The following GRIK2 variants were observed in gnomAD, a reference collection of about 807,000 sequenced individuals.
The protein encoded by GRIK2 is glutamate ionotropic receptor kainate type subunit 2.
In GRIK2, 32 loss-of-function variants were observed where a neutral mutation model predicts 100.3. That is an observed-to-expected ratio of 0.32 (90% CI 0.24 to 0.43). The LOEUF is 0.43. GRIK2 is among the 20% of genes least tolerant of loss of function. The pLI, the probability that GRIK2 is intolerant of heterozygous loss-of-function variation, is 1.00. For synonymous variants in GRIK2, 417 were observed against 389.4 expected, an observed-to-expected ratio of 1.07 and a Z score of -0.83; for missense variants, 843 against 1,114.9, an observed-to-expected ratio of 0.76 and a Z score of 3.47.
chr6:101,938,132 T>G, intron 14 of GRIK2, among the ~76,000 whole-genome samples: 1 of 152,140 alleles, frequency 6.6e-6, no homozygotes, highest in East Asian at 1.9e-4. Flanking sequence ...TTAAGTTTTT[T>G]TTTTCTTTCT....
At chr6:101,456,768 A>G (rs1009700941) in intron 2 of GRIK2, among the ~76,000 whole-genome samples, 2 of 151,936 alleles carry the variant, frequency 1.3e-5, no homozygotes, top group African/African-American at 4.8e-5. Flanking sequence ...TTATTGCATT[A>G]AGACTTTTCA....
chr6:101,866,933 T>C (rs918110802), intron 11 of GRIK2, among the ~76,000 whole-genome samples: 2 of 151,988 alleles, frequency 1.3e-5, no homozygotes, highest in African/African-American at 4.8e-5. Flanking sequence ...TGTGTGTGTG[T>C]GTTTTCATAT....
At chr6:101,984,632 C>CAT (rs1461817138) in intron 14 of GRIK2, among the ~76,000 whole-genome samples, 1 of 149,160 alleles carries the variant, frequency 6.7e-6, no homozygotes, top group Non-Finnish European at 1.5e-5. Context: ...CACACACACA[C>CAT]ACACACACAC....
intron 2 of GRIK2, among the ~76,000 whole-genome samples, chr6:101,429,111 A>G (rs1442253523): frequency 6.6e-6 from 1 of 152,216 alleles, no homozygotes; most frequent in Non-Finnish European, 1.5e-5. Context: ...TAGCAAAGTC[A>G]TAGTGACCTT....
At chr6:101,923,749 T>G (rs1161021798) in intron 12 of GRIK2, among the ~76,000 whole-genome samples, 1 of 151,800 alleles carries the variant, frequency 6.6e-6, no homozygotes, top group Non-Finnish European at 1.5e-5. Flanking sequence ...AGTGAAACCC[T>G]GTCTCTATTA....
chr6:101,544,041 A>G (rs894985239), intron 2 of GRIK2, among the ~76,000 whole-genome samples: 18 of 151,246 alleles, frequency 1.2e-4, no homozygotes, highest in African/African-American at 7.4e-5. Flanking sequence ...AATTACTTAA[A>G]ATAAACAGAC....
chr6:102,048,975 G>T (rs189413654), intron 15 of GRIK2, among the ~76,000 whole-genome samples: 1 of 152,034 alleles, frequency 6.6e-6, no homozygotes, highest in African/African-American at 2.4e-5. Context: ...ATGTATGAAG[G>T]ATTTGGGTTC....
chr6:101,812,940 C>T (rs1243330155), intron 9 of GRIK2, among the ~76,000 whole-genome samples: 1 of 151,954 alleles, frequency 6.6e-6, no homozygotes, highest in Non-Finnish European at 1.5e-5. Flanking sequence ...CATTATATTT[C>T]TGACAATTTA....
intron 2 of GRIK2, among the ~76,000 whole-genome samples, chr6:101,500,529 T>G (rs532877853): frequency 6.6e-6 from 1 of 152,214 alleles, no homozygotes; most frequent in African/African-American, 2.4e-5. Flanking sequence ...AACATGATCA[T>G]GATGAATTTT....
At chr6:102,026,728 G>A (rs937691442) in intron 14 of GRIK2, among the ~76,000 whole-genome samples, 1 of 151,238 alleles carries the variant, frequency 6.6e-6, no homozygotes, top group African/African-American at 2.4e-5. Context: ...ACTGAGAAGA[G>A]CAATTCTCTC....
intron 14 of GRIK2, among the ~76,000 whole-genome samples, chr6:101,937,243 G>T (rs1042592636): frequency 6.6e-6 from 1 of 152,108 alleles, no homozygotes; most frequent in South Asian, 2.1e-4. Context: ...AGTATGCTAT[G>T]GTTCTCTCCC....
intron 14 of GRIK2, among the ~76,000 whole-genome samples, chr6:101,932,490 A>G (rs1790352035): frequency 1.3e-5 from 2 of 151,914 alleles, no homozygotes; most frequent in Non-Finnish European, 2.9e-5. Flanking sequence ...TCTAATCTAT[A>G]CATCACTTAT....
intron 12 of GRIK2, among the ~76,000 whole-genome samples, chr6:101,921,727 C>T (rs1371014970): frequency 4.6e-5 from 7 of 151,888 alleles, no homozygotes; most frequent in East Asian, 1.9e-4. Context: ...AAGTGGGAAT[C>T]GGAGATAAAA....
chr6:101,465,422 T>C (rs2128253797), intron 2 of GRIK2, among the ~76,000 whole-genome samples: 1 of 152,282 alleles, frequency 6.6e-6, no homozygotes, highest in East Asian at 1.9e-4. Flanking sequence ...TCCAGTCCCA[T>C]CCATGTTGCT....
In GRIK2 at chr6:101,703,331, G is replaced by A. The variant is rs890774133; in HGVS notation, c.951+16978G>A. ...GTGATTGAAGATGTGCAGTAAGGTA[G>A]AAGAAAAACAAAAAGAGTCTAATTT... On this transcript the variant is annotated intron_variant, in intron 7 of 16. Transcript: ENST00000369134. 2.0e-5 allele frequency among the ~76,000 whole-genome samples: 3 copies of A among 151,816 alleles called. No homozygotes were observed. The South Asian group carries it at 6.2e-4, about 31-fold the overall frequency.
intron 11 of GRIK2, among the ~76,000 whole-genome samples, chr6:101,875,739 T>G (rs1382720359): frequency 6.6e-6 from 1 of 151,838 alleles, no homozygotes; most frequent in Non-Finnish European, 1.5e-5. Context: ...TATGGAAATT[T>G]TAACCAGCAA....
chr6:101,711,888 T>C (rs1478279038), intron 7 of GRIK2, among the ~76,000 whole-genome samples: 1 of 151,776 alleles, frequency 6.6e-6, no homozygotes, highest in Non-Finnish European at 1.5e-5. Flanking sequence ...AATAGTAGAC[T>C]GTGGCATTAT....
chr6:101,452,541 G>T (rs1357529091), intron 2 of GRIK2, among the ~76,000 whole-genome samples: 1 of 151,564 alleles, frequency 6.6e-6, no homozygotes, highest in African/African-American at 2.4e-5. Flanking sequence ...CTGCTTTCAA[G>T]TTCCTCCAGA....
chr6:101,602,558 T>A (rs1208290370), intron 2 of GRIK2, among the ~76,000 whole-genome samples: 1 of 151,168 alleles, frequency 6.6e-6, no homozygotes, highest in East Asian at 1.9e-4. Flanking sequence ...AATGATTAGT[T>A]TTTTTTTAAA....
Sources: allele counts gnomAD v4.1 joint callset (sites outside exome capture counted in the v4.1 genomes callset), GRCh38; gene constraint gnomAD v4.1.1; transcripts MANE v1.5; gene names NCBI Gene and HGNC (gene_info 2026-07-23, HGNC 2026-07-21).